Variants in CRB1 observed in about 807,000 individuals in gnomAD.
CRB1 encodes protein crumbs homolog 1.
CRB1 carries 83 observed loss-of-function variants against 120.0 expected under a neutral mutation model. The ratio of observed to expected loss-of-function variants is 0.69; its 90% CI spans 0.58 to 0.83. CRB1 has a LOEUF of 0.83. Among genes scored for constraint, CRB1 ranks in the 40% least tolerant of loss-of-function variants. The pLI is 0.00. For missense variants in CRB1, 1,699 were observed against 1,687.6 expected (o/e 1.01, Z -0.12); for synonymous variants, 625 against 612.5 (o/e 1.02, Z -0.30).
Position 197,405,940 on chromosome 1 carries a change from C to T in CRB1, c.1172-15060C>T, listed in dbSNP as rs563865123. ...CCCCCGCCAGGCCAGCCGTCCCGTC[C>T]GGGAGGGAGGTGGGGGGGTCAGCCC... is the stretch of plus-strand genomic sequence containing the variant. On this transcript the variant is annotated intron_variant, in intron 5 of 11. Coordinates refer to ENST00000367400, the MANE Select transcript of CRB1 (RefSeq NM_201253.3). Among the ~76,000 whole-genome samples the T allele has an allele frequency of 1.1e-4, 17 of 150,974 alleles. No homozygotes were observed. The South Asian group carries it at 2.7e-3, about 24-fold the overall frequency.
chr1:197,348,569 C>T (rs995998241), intron 4 of CRB1, among the ~76,000 whole-genome samples: 20 of 152,164 alleles, frequency 1.3e-4, no homozygotes, highest in African/African-American at 4.3e-4. Context: ...CTCCGCCTCC[C>T]GGGTTCACAC....
intron 1 of CRB1, among the ~76,000 whole-genome samples, chr1:197,315,929 A>G (rs1182228209): frequency 6.6e-6 from 1 of 152,226 alleles, no homozygotes; most frequent in Non-Finnish European, 1.5e-5. Context: ...ATAATCTTAG[A>G]GGTGAACTGA....
Position 197,429,474 on chromosome 1 carries a change from T to C in CRB1, c.2702T>C (p.Val901Ala). ...TCCAACCCCTGTCACAATGGAGGTGTTTGCCATTCCCGGTGGGATGACTTC... is the reference window on the plus strand; with the variant it reads ...TCCAACCCCTGTCACAATGGAGGTGCTTGCCATTCCCGGTGGGATGACTTC... The part of the protein sequence containing the change: ...CKSNPCHNGG[V>A]CHSRWDDFSC... Residue 901 changes from valine to alanine, a missense_variant, in exon 8 of 12, where the codon GTT becomes GCT. Transcript: ENST00000367400. The C allele has an allele frequency of 6.2e-7, 1 of 1,614,078 alleles. No homozygotes were observed. The highest frequency in any genetic ancestry group is 8.5e-7 in the Non-Finnish European group (1 of 1,179,954).
intron 1 of CRB1, among the ~76,000 whole-genome samples, chr1:197,272,103 A>G (rs965386643): frequency 6.6e-6 from 1 of 152,168 alleles, no homozygotes; most frequent in African/African-American, 2.4e-5. Flanking sequence ...GAGATTAAAT[A>G]AGAAATAATT....
chr1:197,428,884 A>C, intron 7 of CRB1: 1 of 1,356,840 alleles, frequency 7.4e-7, no homozygotes, highest in Non-Finnish European at 1.0e-6. Context: ...TCATGCTCTA[A>C]TAAATTTCTT....
upstream of CRB1, among the ~76,000 whole-genome samples, chr1:197,267,519 T>G (rs1328079526): frequency 2.0e-5 from 3 of 152,134 alleles, no homozygotes; most frequent in Admixed American, 1.3e-4. Context: ...AGTGTAACAG[T>G]GAACAGTTTT....
At chr1:197,269,180 C>T (rs1654768967) in intron 1 of CRB1, among the ~76,000 whole-genome samples, 2 of 152,180 alleles carry the variant, frequency 1.3e-5, no homozygotes, top group South Asian at 2.1e-4. Context: ...CTATTCAACA[C>T]GTTTAAAACG....
intron 5 of CRB1, among the ~76,000 whole-genome samples, chr1:197,409,100 T>G (rs545444430): frequency 1.3e-5 from 2 of 152,216 alleles, no homozygotes; most frequent in South Asian, 4.1e-4. Flanking sequence ...ACCATATGGT[T>G]TTGAACAAAT....
In CRB1 at chr1:197,434,791, C is replaced by T; in HGVS notation, c.2928C>T (p.Ile976=). 1.9e-6 allele frequency: 3 copies of T among 1,613,394 alleles called. No homozygotes were observed. The highest frequency in any genetic ancestry group is 2.5e-6 in the Non-Finnish European group (3 of 1,179,428). ...NGNITRELTN[I]TFGFRTRDAN... Reference sequence around the variant, plus strand: ...ATATTACCAGAGAACTCACCAATATCACATTTGGTTTCAGAACAAGGGATG... The same window carrying T: ...ATATTACCAGAGAACTCACCAATATTACATTTGGTTTCAGAACAAGGGATG... Residue 976 remains isoleucine (I), a synonymous_variant, in exon 9 of 12, where the codon ATC becomes ATT. Transcript: ENST00000367400.
chr1:197,421,242 C>T lies in CRB1; in HGVS notation c.1414C>T (p.Pro472Ser), dbSNP rs1377043494. The T allele has an allele frequency of 1.9e-6, 3 of 1,614,052 alleles. No homozygotes were observed. In the African/African-American group the frequency reaches 4.0e-5, roughly 22 times the overall value. ...CCAGCATGGATTCAGCTGCCTATGT[C>T]CATCTGGCTACACCGGGTCCCTGTG... The part of the protein sequence containing the change: ...DGQHGFSCLC[P>S]SGYTGSLCEI... Residue 472 changes from proline to serine, a missense_variant, in exon 6 of 12, where the codon CCA becomes TCA. Coordinates refer to ENST00000367400, the MANE Select transcript of CRB1 (RefSeq NM_201253.3).
intron 11 of CRB1, among the ~76,000 whole-genome samples, chr1:197,461,631 G>T (rs937957758): frequency 6.6e-6 from 1 of 152,106 alleles, no homozygotes; most frequent in Non-Finnish European, 1.5e-5. Flanking sequence ...TTAAAGACCT[G>T]TCCACTGATT....
intron 11 of CRB1, among the ~76,000 whole-genome samples, chr1:197,459,635 A>G (rs1294296446): frequency 6.6e-6 from 1 of 152,120 alleles, no homozygotes; most frequent in Non-Finnish European, 1.5e-5. Context: ...GACATTGGCG[A>G]TTAGGTTTCA....
rs1011867464 is a variant in CRB1 at position 197,467,848 on chromosome 1, C to T, written c.4006-9816C>T. 7.4e-4 allele frequency among the ~76,000 whole-genome samples: 113 copies of T among 152,284 alleles called. No individual in the cohort carries two copies. The Middle Eastern group carries it at 0.01, about 14-fold the overall frequency. On this transcript the variant is annotated intron_variant, in intron 11 of 11. Transcript: ENST00000367400. ...AAAATAAGTGGTATAAGTCATCAGC[C>T]TAGGAAAGGACCAGTAGTGAGTACA...
the CRB1 span, among the ~76,000 whole-genome samples, chr1:197,232,005 A>G: frequency 1.3e-5 from 2 of 152,214 alleles, no homozygotes; most frequent in Non-Finnish European, 2.9e-5. Context: ...ATCCTGGATT[A>G]CATAGGTAGG....
chr1:197,404,441 C>CAAAAAAAAA lies in CRB1; in HGVS notation c.1172-16539_1172-16531dup, dbSNP rs558125777. Among the ~76,000 whole-genome samples the CAAAAAAAAA allele has an allele frequency of 1.5e-4, 9 of 58,716 alleles. 1 individual carries two copies. The highest frequency in any genetic ancestry group is 5.3e-4 in the African/African-American group (9 of 17,056). 38.5% of individuals were successfully genotyped at this position (58,716 alleles called of 152,430 possible). A position where few individuals can be genotyped will look rare whatever the true frequency, so the allele number is the denominator to read the frequency against. On this transcript the variant is annotated intron_variant, in intron 5 of 11. Transcript: ENST00000367400. ...TGGGCGACAGAGCGAGACTCCGTCT[C>CAAAAAAAAA]AAAAAAAAAAAAAAAAAAAAAAAAA... is the stretch of plus-strand genomic sequence containing the variant.
intron 5 of CRB1, among the ~76,000 whole-genome samples, chr1:197,379,787 T>C (rs1237528060): frequency 6.6e-6 from 1 of 152,174 alleles, no homozygotes; most frequent in Non-Finnish European, 1.5e-5. Flanking sequence ...ATATCTAAGC[T>C]TGTTCCTTGC....
intron 5 of CRB1, among the ~76,000 whole-genome samples, chr1:197,419,844 G>A (rs546038412): frequency 1.3e-5 from 2 of 151,420 alleles, no homozygotes; most frequent in East Asian, 2.0e-4. Context: ...GCGTGGTGGC[G>A]GGCGCCTGTA....
At chr1:197,249,585 A>G in the CRB1 span, among the ~76,000 whole-genome samples, 1 of 151,994 alleles carries the variant, frequency 6.6e-6, no homozygotes, top group African/African-American at 2.4e-5. Context: ...TATTTAAGGA[A>G]GATGAATGTT....
At chr1:197,225,855 G>T in the CRB1 span, among the ~76,000 whole-genome samples, 11 of 152,102 alleles carry the variant, frequency 7.2e-5, no homozygotes, top group Admixed American at 1.3e-4. Flanking sequence ...AGTTCATTTT[G>T]TCTATCTTTT....
Sources: allele counts gnomAD v4.1 joint callset (sites outside exome capture counted in the v4.1 genomes callset), GRCh38; gene constraint gnomAD v4.1.1; transcripts MANE v1.5; gene names NCBI Gene and HGNC (gene_info 2026-07-23, HGNC 2026-07-21).